Variants in ZNF131 observed in about 807,000 individuals in gnomAD.
ZNF131 encodes zinc finger and BTB domain containing 35.
Under a neutral mutation model 60.0 loss-of-function variants are expected in ZNF131, and 7 were observed. The observed-to-expected ratio is 0.12, with a 90% confidence interval of 0.07 to 0.22. The LOEUF (loss-of-function observed/expected upper bound fraction) is 0.22. Ranked by LOEUF, ZNF131 falls within the 10% of genes least tolerant of loss-of-function variation. The pLI, the probability that ZNF131 is intolerant of heterozygous loss-of-function variation, is 1.00. For missense variants in ZNF131, 493 were observed against 740.9 expected, an observed-to-expected ratio of 0.67 and a Z score of 3.88; for synonymous variants, 257 against 253.2, an observed-to-expected ratio of 1.01 and a Z score of -0.14.
At chr5:43,166,615 C>T (rs1750390220) in intron 5 of ZNF131, among the ~76,000 whole-genome samples, 2 of 151,758 alleles carry the variant, frequency 1.3e-5, no homozygotes, top group African/African-American at 4.8e-5. Flanking sequence ...CCCCCTCGGC[C>T]TCCCAAAGTG....
chr5:43,125,490 A>T (rs1744417330), intron 3 of ZNF131, among the ~76,000 whole-genome samples: 1 of 151,250 alleles, frequency 6.6e-6, no homozygotes, highest in Non-Finnish European at 1.5e-5. Context: ...CTTAAAAAAT[A>T]AGTGGCCTGG....
At chr5:43,143,113 C>T (rs1342256848) in intron 4 of ZNF131, among the ~76,000 whole-genome samples, 1 of 150,680 alleles carries the variant, frequency 6.6e-6, no homozygotes, top group Non-Finnish European at 1.5e-5. Flanking sequence ...ACCTCTGCTT[C>T]CCGGGTTCAA....
intron 3 of ZNF131, among the ~76,000 whole-genome samples, chr5:43,136,342 C>T (rs1427512427): frequency 6.6e-6 from 1 of 152,034 alleles, no homozygotes; most frequent in Non-Finnish European, 1.5e-5. Context: ...CAATACAGTC[C>T]CTCTCAAAAT....
chr5:43,138,675 G>A (rs1307245452), intron 3 of ZNF131, among the ~76,000 whole-genome samples: 2 of 152,132 alleles, frequency 1.3e-5, no homozygotes, highest in Non-Finnish European at 2.9e-5. Context: ...AGGCAAGTCA[G>A]CTATTAGAAA....
intron 5 of ZNF131, among the ~76,000 whole-genome samples, chr5:43,169,431 C>G (rs779741585): frequency 6.6e-6 from 1 of 152,194 alleles, no homozygotes; most frequent in Non-Finnish European, 1.5e-5. Context: ...CTACTGCTAT[C>G]CTTTTCTGAT....
chr5:43,169,993 T>C (rs1750788680), intron 5 of ZNF131, among the ~76,000 whole-genome samples: 1 of 152,126 alleles, frequency 6.6e-6, no homozygotes, highest in African/African-American at 2.4e-5. Context: ...GGTTTCACTA[T>C]GTTGGCCAGG....
chr5:43,168,472 G>A (rs1750617929), intron 5 of ZNF131, among the ~76,000 whole-genome samples: 1 of 152,186 alleles, frequency 6.6e-6, no homozygotes, highest in Admixed American at 6.5e-5. Context: ...AAAGGGGTTG[G>A]AAGGGCTAAC....
At chr5:43,145,373 C>T (rs2111606331) in intron 4 of ZNF131, among the ~76,000 whole-genome samples, 1 of 152,256 alleles carries the variant, frequency 6.6e-6, no homozygotes, top group Non-Finnish European at 1.5e-5. Context: ...AGTTTACGGC[C>T]TGGGTGCAGT....
rs570313526 is a variant in ZNF131 at position 43,130,264 on chromosome 5, C to CAAAAAAAAAAAAAA, written c.226+6959_226+6972dup. ...GAGCGATAGAGTAAGACTCTGTCTC[C>CAAAAAAAAAAAAAA]AAAAAAAAAAAAAAAAAAGAGGAAA... On this transcript the variant is annotated intron_variant, in intron 3 of 6. Coordinates refer to ENST00000682664, the MANE Select transcript of ZNF131 (RefSeq NM_001330707.2). 1.7e-3 allele frequency among the ~76,000 whole-genome samples: 117 copies of CAAAAAAAAAAAAAA among 68,350 alleles called. 9 individuals carry two copies. The highest frequency in any genetic ancestry group is 7.0e-3 in the East Asian group (11 of 1,562). 44.8% of individuals were successfully genotyped at this position (68,350 alleles called of 152,430 possible). A position where few individuals can be genotyped will look rare whatever the true frequency, so the allele number is the denominator to read the frequency against.
intron 4 of ZNF131, among the ~76,000 whole-genome samples, chr5:43,141,172 AC>A (rs1285563925): frequency 6.6e-6 from 1 of 152,174 alleles, no homozygotes. Flanking sequence ...GATGCTTAGC[AC>A]CTGGCATATA....
chr5:43,165,087 A>G (rs1750186013), intron 5 of ZNF131, among the ~76,000 whole-genome samples: 1 of 152,178 alleles, frequency 6.6e-6, no homozygotes, highest in South Asian at 2.1e-4. Context: ...AGTAGCTGGG[A>G]CTACAGATGT....
Position 43,174,451 on chromosome 5 carries a change from G to T in ZNF131, c.1190G>T (p.Cys397Phe). 6.6e-7 allele frequency: 1 copy of T among 1,522,016 alleles called. No individual in the cohort carries two copies. Among genetic ancestry groups the T allele is most frequent in the Non-Finnish European group, 8.8e-7 (1 of 1,136,800 alleles). 94.3% of individuals were successfully genotyped at this position (1,522,016 alleles called of 1,614,324 possible). Residue 397 changes from cysteine (C) to phenylalanine (F), a missense_variant, in exon 7 of 7, where the codon TGC becomes TTC. By Grantham distance (205) the Cys-to-Phe change is radical (BLOSUM62 -2). This residue lies in a region of ZNF131 where 33 missense variants were observed against 67.9 expected (regional missense o/e 0.49). Coordinates refer to ENST00000682664, the MANE Select transcript of ZNF131 (RefSeq NM_001330707.2). Reference sequence around the variant, plus strand: ...TCATATTTTTGGTTATTTCAGGTCTGCAACAGTGTGTTTAACAGCTGGGAC... The same window carrying T: ...TCATATTTTTGGTTATTTCAGGTCTTCAACAGTGTGTTTAACAGCTGGGAC... Reference protein sequence around the residue: ...GRKKLYECQVCNSVFNSWDQF... With the variant: ...GRKKLYECQVFNSVFNSWDQF...
chr5:43,151,727 G>A (rs965453712), intron 4 of ZNF131, among the ~76,000 whole-genome samples: 7 of 151,500 alleles, frequency 4.6e-5, no homozygotes, highest in African/African-American at 1.2e-4. Flanking sequence ...GAGCCACCGC[G>A]CCTTGCCAGT....
intron 3 of ZNF131, among the ~76,000 whole-genome samples, chr5:43,132,738 C>G (rs967479334): frequency 1.4e-4 from 22 of 152,238 alleles, no homozygotes; most frequent in African/African-American, 5.3e-4. Context: ...GTCTCGAACT[C>G]CTGACCTCAA....
intron 3 of ZNF131, among the ~76,000 whole-genome samples, chr5:43,137,622 G>A (rs1746291476): frequency 6.6e-6 from 1 of 151,682 alleles, no homozygotes; most frequent in African/African-American, 2.4e-5. Flanking sequence ...AAATAAATTG[G>A]AATCCTTGCA....
At chr5:43,160,183 C>G (rs1307910824) in intron 4 of ZNF131, among the ~76,000 whole-genome samples, 2 of 125,160 alleles carry the variant, frequency 1.6e-5, no homozygotes, top group Non-Finnish European at 3.4e-5. Context: ...CTCAAAAAAA[C>G]AAAACAAAAA....
intron 3 of ZNF131, among the ~76,000 whole-genome samples, chr5:43,136,918 A>G (rs1407495619): frequency 6.6e-6 from 1 of 152,164 alleles, no homozygotes; most frequent in African/African-American, 2.4e-5. Flanking sequence ...TGCAAATAAT[A>G]TGGTCAACTG....
At position 43,153,087 on chromosome 5, in the gene ZNF131, G is replaced by A. The variant is rs75602969; in HGVS notation, c.372-8162G>A. Among the ~76,000 whole-genome samples the A allele has an allele frequency of 1.8e-3, 270 of 152,274 alleles. 1 individual carries two copies. The highest frequency in any genetic ancestry group is 2.9e-3 in the Non-Finnish European group (196 of 68,020). Reference sequence around the variant, plus strand: ...GAAGGGCAAGGACATTTAAAACTTAGAGACCCATTATGTTTCCCACTTTGG... The same window carrying A: ...GAAGGGCAAGGACATTTAAAACTTAAAGACCCATTATGTTTCCCACTTTGG... On this transcript the variant is annotated intron_variant, in intron 4 of 6. Coordinates refer to ENST00000682664, the MANE Select transcript of ZNF131 (RefSeq NM_001330707.2).
intron 4 of ZNF131, among the ~76,000 whole-genome samples, chr5:43,147,260 A>AT (rs1299833148): frequency 1.3e-5 from 2 of 152,096 alleles, no homozygotes; most frequent in Non-Finnish European, 2.9e-5. Flanking sequence ...TATTAAAATA[A>AT]TGCTACTGTA....
Sources: gnomAD v4.1 joint callset for allele counts (sites outside exome capture counted in the v4.1 genomes callset) on GRCh38, gnomAD v4.1.1 for gene constraint, gnomAD v4.1.1 regional missense constraint, MANE v1.5 for transcripts, NCBI Gene and HGNC (gene_info 2026-07-23, HGNC 2026-07-21) for gene names.